ZNF677: variants seen among roughly 807,000 people sequenced by gnomAD.
ZNF677 encodes the protein zinc finger protein 677, also known as hypothetical protein MGC48625.
A neutral mutation model predicts 8.1 loss-of-function variants in ZNF677; 5 were observed. The ratio of observed to expected loss-of-function variants is 0.62; its 90% confidence interval spans 0.32 to 1.29. ZNF677 has a LOEUF of 1.29. Among genes scored for constraint, ZNF677 ranks in the 50% most tolerant of loss-of-function variants. The pLI is 0.05. For synonymous variants in ZNF677, 221 were observed against 225.6 expected (o/e 0.98, Z 0.18); for missense variants, 685 against 685.9 (o/e 1.00, Z 0.01).
intron 4 of ZNF677, 62 bp downstream of exon 4, chr19:53,243,682 G>A (rs768972375): frequency 6.2e-7 from 1 of 1,604,452 alleles, no homozygotes; most frequent in Non-Finnish European, 8.5e-7. Context: ...ATTCAGACAA[G>A]CACATCAGGG....
At chr19:53,250,120 T>C (rs8105607) in intron 3 of ZNF677, among the ~76,000 whole-genome samples, 112,359 of 152,000 alleles carry the variant, frequency 0.74, 42,068 homozygotes, top group African/African-American at 0.86. Flanking sequence ...GATCCACCCG[T>C]CTCAGCCTCC....
chr19:53,245,599 C>T (rs1340874957), intron 3 of ZNF677, among the ~76,000 whole-genome samples: 1 of 151,876 alleles, frequency 6.6e-6, no homozygotes, highest in Non-Finnish European at 1.5e-5. Context: ...ATTAGGATGA[C>T]CACTAAAGAA....
rs904718239 is a variant in ZNF677, at chr19:53,236,475, T to C, written c.*497A>G. 7.2e-5 allele frequency: 11 copies of C among 152,552 alleles called. No homozygotes were observed. Among genetic ancestry groups the C allele is most frequent in the African/African-American group, 2.4e-4 (10 of 41,460 alleles). The allele number at this position is 152,552 out of a possible 1,614,324, so 9.4% of individuals were successfully genotyped here. A position where few individuals can be genotyped will look rare whatever the true frequency, so the allele number is the denominator to read the frequency against. On this transcript the variant is annotated 3_prime_UTR_variant, in exon 5 of 5. Coordinates refer to ENST00000598513, the MANE Select transcript of ZNF677 (RefSeq NM_182609.4). ...ACCATGAGTTTGTGACTTTTTAAAA[T>C]TGTCTGTGAATTTAACATCAATCAC... is the stretch of plus-strand genomic sequence containing the variant.
intron 1 of ZNF677, 118 bp downstream of exon 1, chr19:53,254,716 G>C (rs914110520): frequency 6.6e-6 from 1 of 152,632 alleles, no homozygotes; most frequent in African/African-American, 2.4e-5. Context: ...GCCACGCCGC[G>C]AGAGGAATGA....
At chr19:53,242,616 C>T (rs143378986) in intron 4 of ZNF677, 1 of 390,924 alleles carries the variant, frequency 2.6e-6, no homozygotes, top group East Asian at 3.6e-5. Flanking sequence ...AGTAGAGAGA[C>T]CGACAGTCTT....
At chr19:53,252,011 T>C (rs2091242361) in intron 2 of ZNF677, among the ~76,000 whole-genome samples, 1 of 152,150 alleles carries the variant, frequency 6.6e-6, no homozygotes, top group African/African-American at 2.4e-5. Context: ...TACTAAGTAG[T>C]TTAGACTTTT....
At chr19:53,240,814 C>A (rs1005013095) in intron 4 of ZNF677, 10 of 151,930 alleles carry the variant, frequency 6.6e-5, no homozygotes, top group African/African-American at 2.2e-4. Context: ...ATAGAGTGAA[C>A]CCCAACATCG....
intron 1 of ZNF677, among the ~76,000 whole-genome samples, chr19:53,253,762 G>A (rs2091271619): frequency 1.3e-5 from 2 of 151,990 alleles, no homozygotes; most frequent in South Asian, 4.1e-4. Flanking sequence ...ACATTTAAGA[G>A]AAAATACTTT....
intron 2 of ZNF677, among the ~76,000 whole-genome samples, chr19:53,252,065 A>G (rs974237274): frequency 6.6e-6 from 1 of 152,226 alleles, no homozygotes; most frequent in Admixed American, 6.5e-5. Flanking sequence ...TAACGCCAGG[A>G]GATGACATAA....
In ZNF677 at chr19:53,236,668, T is replaced by C. The variant is rs2090974910; in HGVS notation, c.*304A>G. On this transcript the variant is annotated 3_prime_UTR_variant, in exon 5 of 5. Transcript: ENST00000598513. ...AATGGTGTATCCTGAAGTCAGAACA[T>C]TGCTTAAAGGACTTGCCACATTTGT... 1 of 201,644 alleles carries C rather than the reference T, an allele frequency of 5.0e-6. No homozygotes were observed. The highest frequency in any genetic ancestry group is 1.3e-4 in the South Asian group (1 of 7,540). 12.5% of individuals were successfully genotyped at this position (201,644 alleles called of 1,614,324 possible). A position where few individuals can be genotyped will look rare whatever the true frequency, so the allele number is the denominator to read the frequency against.
intron 4 of ZNF677, 156 bp downstream of exon 4, chr19:53,243,588 A>G (rs2091088854): frequency 1.1e-6 from 1 of 900,638 alleles, no homozygotes; most frequent in South Asian, 1.8e-5. Flanking sequence ...AGAAAGGGGA[A>G]GTTTAAAGTC....
intron 3 of ZNF677, among the ~76,000 whole-genome samples, chr19:53,247,803 T>C (rs1201029874): frequency 6.6e-6 from 1 of 152,242 alleles, no homozygotes; most frequent in Non-Finnish European, 1.5e-5. Flanking sequence ...CTAGGTTTAA[T>C]ATTTGCATGA....
chr19:53,241,122 C>G (rs1195667664), intron 4 of ZNF677: 1 of 151,868 alleles, frequency 6.6e-6, no homozygotes, highest in Non-Finnish European at 1.5e-5. Flanking sequence ...GAAACTAATA[C>G]TCAGACATAA....
intron 3 of ZNF677, among the ~76,000 whole-genome samples, chr19:53,246,317 C>CTAAAAAAAA (rs1599921763): frequency 8.2e-6 from 1 of 122,172 alleles, no homozygotes; most frequent in African/African-American, 3.3e-5. Context: ...GACTCCGTCC[C>CTAAAAAAAA]AAAAAAAAAG....
rs1405107482 is a variant in ZNF677, at chr19:53,237,811, G to C, written c.916C>G (p.Leu306Val). 6.2e-7 allele frequency: 1 copy of C among 1,613,012 alleles called. No homozygotes were observed. The highest frequency in any genetic ancestry group is 1.7e-5 in the Admixed American group (1 of 59,952). Reference sequence around the variant, plus strand: ...GTATGGACTCTCTGATGCCTAGTGAGGTTCGAACACTGGTTAAAGGCTTTG... The same window carrying C: ...GTATGGACTCTCTGATGCCTAGTGACGTTCGAACACTGGTTAAAGGCTTTG... ...CGKAFNQCSN[L>V]TRHQRVHTGE... The change falls in exon 5 of 5, where the codon CTC (leucine) becomes GTC (valine). Residue 306 changes from leucine to valine, a missense_variant. Transcript: ENST00000598513.
rs560069435 is a variant in ZNF677 at position 53,250,020 on chromosome 19, G to A, written c.15+1516C>T. On this transcript the variant is annotated intron_variant, in intron 3 of 4. Coordinates refer to ENST00000598513, the MANE Select transcript of ZNF677 (RefSeq NM_182609.4). Reference sequence around the variant, plus strand: ...CTCGAGTAGCTGGGATTACAGGCACGTGCCACCATGCCCAGCTAATTTTGT... The same window carrying A: ...CTCGAGTAGCTGGGATTACAGGCACATGCCACCATGCCCAGCTAATTTTGT... 3.9e-5 allele frequency among the ~76,000 whole-genome samples: 6 copies of A among 152,090 alleles called. No homozygotes were observed. In the East Asian group the frequency reaches 5.8e-4, roughly 15 times the overall value.
intron 3 of ZNF677, among the ~76,000 whole-genome samples, chr19:53,248,818 A>G (rs2091188181): frequency 6.6e-6 from 1 of 152,166 alleles, no homozygotes; most frequent in Admixed American, 6.5e-5. Flanking sequence ...TGAGTTTCCT[A>G]GGTATACAGA....
intron 3 of ZNF677, 113 bp downstream of exon 3, chr19:53,251,423 G>A (rs2091231408): frequency 3.6e-6 from 3 of 822,302 alleles, no homozygotes; most frequent in African/African-American, 1.7e-5. Context: ...AGCCCTGGGT[G>A]TGAATATACA....
In ZNF677 at chr19:53,237,727, G is replaced by C; in HGVS notation, c.1000C>G (p.Leu334Val). The C allele has an allele frequency of 6.2e-7, 1 of 1,613,850 alleles. No homozygotes were observed. Among genetic ancestry groups the C allele is most frequent in the Non-Finnish European group, 8.5e-7 (1 of 1,179,874 alleles). Residue 334 changes from leucine to valine, a missense_variant, in exon 5 of 5, where the codon CTT becomes GTT. Physicochemically the swap from Leu to Val is conservative, Grantham distance 32 (BLOSUM62 1). Transcript: ENST00000598513. ...GTATGCATCCTCTGATGACTTGCAAGATTTGAATTTTGACTACAGACCTTG... is the reference window on the plus strand; with the variant it reads ...GTATGCATCCTCTGATGACTTGCAACATTTGAATTTTGACTACAGACCTTG... ...CGKVCSQNSN[L>V]ASHQRMHTGE...
Sources: gnomAD v4.1 joint callset for allele counts (sites outside exome capture counted in the v4.1 genomes callset) on GRCh38, gnomAD v4.1.1 for gene constraint, MANE v1.5 for transcripts, NCBI Gene and HGNC (gene_info 2026-07-23, HGNC 2026-07-21) for gene names.